Variants in TMEM178B observed in about 807,000 individuals in gnomAD.
TMEM178B encodes transmembrane protein 178B.
TMEM178B carries 5 observed loss-of-function variants against 31.0 expected under a neutral mutation model. That is an observed-to-expected ratio of 0.16 (90% confidence interval 0.08 to 0.34). The LOEUF (loss-of-function observed/expected upper bound fraction) is 0.34, where lower values mean the gene tolerates loss of function less well. Among genes scored for constraint, TMEM178B ranks in the 10% least tolerant of loss-of-function variants. The pLI, the probability that TMEM178B is intolerant of heterozygous loss-of-function variation, is 1.00. For synonymous variants in TMEM178B, 164 were observed against 164.0 expected (o/e 1.00, Z 0.00); for missense variants, 275 against 400.3 (o/e 0.69, Z 2.67).
intron 2 of TMEM178B, among the ~76,000 whole-genome samples, chr7:141,237,682 G>A (rs1003849436): frequency 6.6e-6 from 1 of 152,026 alleles, no homozygotes; most frequent in African/African-American, 2.4e-5. Flanking sequence ...ATTCATTGAA[G>A]TAAAATAATA....
At chr7:141,199,248 C>G (rs1259620977) in intron 1 of TMEM178B, among the ~76,000 whole-genome samples, 1 of 152,174 alleles carries the variant, frequency 6.6e-6, no homozygotes, top group Admixed American at 6.5e-5. Flanking sequence ...GTGGTAGCTC[C>G]CACTAAAGAT....
chr7:141,246,552 T>C (rs1797733192), intron 2 of TMEM178B, among the ~76,000 whole-genome samples: 1 of 152,184 alleles, frequency 6.6e-6, no homozygotes. Flanking sequence ...GAATTCAAAA[T>C]AAGTATTTTT....
chr7:141,486,528 G>T, the TMEM178B span, among the ~76,000 whole-genome samples: 1 of 151,726 alleles, frequency 6.6e-6, no homozygotes, highest in African/African-American at 2.4e-5. Flanking sequence ...ACAAGGGGTT[G>T]CCTAGGGTGG....
rs1457206491 is a variant in TMEM178B at position 141,473,560 on chromosome 7, C to G, written c.*2774C>G. 6.6e-6 allele frequency: 1 copy of G among 152,164 alleles called. No homozygotes were observed. The highest frequency in any genetic ancestry group is 1.5e-5 in the Non-Finnish European group (1 of 68,026). The allele number at this position is 152,164 out of a possible 1,614,324, so 9.4% of individuals were successfully genotyped here. ...ATTATCTGCTCTATCCAATTATTGT[C>G]TTTGTGACAGACATTTAGCAAAGCT... On this transcript the variant is annotated 3_prime_UTR_variant, in exon 4 of 4. Coordinates refer to ENST00000565468, the MANE Select transcript of TMEM178B (RefSeq NM_001195278.2).
intron 2 of TMEM178B, among the ~76,000 whole-genome samples, chr7:141,276,822 G>A (rs1324059622): frequency 1.3e-5 from 2 of 152,224 alleles, no homozygotes; most frequent in Non-Finnish European, 2.9e-5. Flanking sequence ...GCCTGTTGCT[G>A]CTAGGCTACA....
intron 1 of TMEM178B, among the ~76,000 whole-genome samples, chr7:141,200,556 G>C (rs1327417241): frequency 1.3e-5 from 2 of 152,204 alleles, no homozygotes; most frequent in African/African-American, 4.8e-5. Flanking sequence ...AGCCCAGTTA[G>C]AGGGAGCCCT....
At chr7:141,404,688 T>C (rs951050790) in intron 2 of TMEM178B, among the ~76,000 whole-genome samples, 15 of 152,208 alleles carry the variant, frequency 9.9e-5, no homozygotes, top group African/African-American at 3.4e-4. Context: ...AGACCCTAGT[T>C]CCAAATAAGG....
intron 1 of TMEM178B, among the ~76,000 whole-genome samples, chr7:141,167,664 C>G (rs898516067): frequency 6.6e-6 from 1 of 152,212 alleles, no homozygotes; most frequent in African/African-American, 2.4e-5. Context: ...GTCAAATGCT[C>G]AGGCCTGTGC....
At chr7:141,382,629 A>G (rs1056927520) in intron 2 of TMEM178B, among the ~76,000 whole-genome samples, 10 of 152,206 alleles carry the variant, frequency 6.6e-5, no homozygotes, top group Non-Finnish European at 1.3e-4. Flanking sequence ...CTTCTCATCT[A>G]TTACCAGCAT....
intron 2 of TMEM178B, among the ~76,000 whole-genome samples, chr7:141,213,714 A>G (rs993770533): frequency 6.6e-6 from 1 of 152,148 alleles, no homozygotes; most frequent in African/African-American, 2.4e-5. Flanking sequence ...GGTGTATTCT[A>G]CTTTTGGGAT....
Position 141,476,523 on chromosome 7 carries a change from G to A in TMEM178B, c.*5737G>A, listed in dbSNP as rs1020703651. 1.3e-5 allele frequency: 2 copies of A among 152,110 alleles called. No individual in the cohort carries two copies. Among genetic ancestry groups the A allele is most frequent in the Non-Finnish European group, 2.9e-5 (2 of 68,014 alleles). The allele number at this position is 152,110 out of a possible 1,614,324, so 9.4% of individuals were successfully genotyped here. A position where few individuals can be genotyped will look rare whatever the true frequency, so the allele number is the denominator to read the frequency against. ...GGTGGAAGCAAATCAGATTCTGAAA[G>A]GTTTCAATGATCTTTCAAGTTTAGG... On this transcript the variant is annotated 3_prime_UTR_variant, in exon 4 of 4. Coordinates refer to ENST00000565468, the MANE Select transcript of TMEM178B (RefSeq NM_001195278.2).
Position 141,074,411 on chromosome 7 carries a change from C to A in TMEM178B, c.101C>A (p.Thr34Lys). The A allele has an allele frequency of 6.5e-7, 1 of 1,536,148 alleles. No homozygotes were observed. The highest frequency in any genetic ancestry group is 8.7e-7 in the Non-Finnish European group (1 of 1,146,868). Residue 34 changes from threonine to lysine, a missense_variant, in exon 1 of 4, where the codon ACG becomes AAG. Physicochemically the swap from Thr to Lys is moderately conservative, Grantham distance 78 (BLOSUM62 -1). Coordinates refer to ENST00000565468, the MANE Select transcript of TMEM178B (RefSeq NM_001195278.2). The surrounding 1 kb of genome is among the most constrained non-coding windows in gnomAD (Gnocchi z 5.1). Reference protein sequence around the residue: ...VAICSDHWYETDARKHRDRCK... With the variant: ...VAICSDHWYEKDARKHRDRCK... ...ATCTGCTCGGACCACTGGTACGAGA[C>A]GGACGCCAGGAAGCACAGGGACAGG...
intron 1 of TMEM178B, among the ~76,000 whole-genome samples, chr7:141,091,085 A>G (rs1193016204): frequency 6.6e-6 from 1 of 152,214 alleles, no homozygotes; most frequent in Non-Finnish European, 1.5e-5. Context: ...AATATTTCCT[A>G]TGACCCCCAT....
chr7:141,263,628 G>A (rs1019835861), intron 2 of TMEM178B, among the ~76,000 whole-genome samples: 18 of 152,170 alleles, frequency 1.2e-4, no homozygotes, highest in Non-Finnish European at 4.4e-5. Flanking sequence ...ATGCTTTGAG[G>A]TTTGCCTTAT....
At chr7:141,341,100 C>T (rs568990858) in intron 2 of TMEM178B, among the ~76,000 whole-genome samples, 1 of 152,300 alleles carries the variant, frequency 6.6e-6, no homozygotes, top group African/African-American at 2.4e-5. Flanking sequence ...CATCTTCTAC[C>T]TTCTTCCTCA....
At chr7:141,315,549 T>G (rs1798987536) in intron 2 of TMEM178B, among the ~76,000 whole-genome samples, 1 of 152,208 alleles carries the variant, frequency 6.6e-6, no homozygotes, top group Non-Finnish European at 1.5e-5. Context: ...TCATGAAACT[T>G]TCTATAAATA....
In TMEM178B at chr7:141,335,534, G is replaced by A. The variant is rs541861946; in HGVS notation, c.497-102074G>A. 2.6e-5 allele frequency among the ~76,000 whole-genome samples: 4 copies of A among 152,290 alleles called. No individual in the cohort carries two copies. In the East Asian group the frequency reaches 7.7e-4, roughly 29 times the overall value. ...CCCTGTGCAGGAGCCCAAGGCAACA[G>A]CTGAGAGGACCACCCAAATTCCCCC... On this transcript the variant is annotated intron_variant, in intron 2 of 3. Coordinates refer to ENST00000565468, the MANE Select transcript of TMEM178B (RefSeq NM_001195278.2).
intron 1 of TMEM178B, 44 bp from the exon 2 acceptor site, chr7:141,212,547 G>A: frequency 1.3e-6 from 2 of 1,485,674 alleles, no homozygotes; most frequent in Non-Finnish European, 1.8e-6. Flanking sequence ...TCCAGATGTG[G>A]TTGCTGCTTC....
the TMEM178B span, among the ~76,000 whole-genome samples, chr7:141,496,656 C>A: frequency 9.2e-6 from 1 of 109,178 alleles, no homozygotes; most frequent in African/African-American, 4.5e-5. Context: ...GGCGACAGAG[C>A]GAGACTCCGT....
Sources: allele counts gnomAD v4.1 joint callset (sites outside exome capture counted in the v4.1 genomes callset), GRCh38; gene constraint gnomAD v4.1.1; non-coding constraint Gnocchi (gnomAD v3.1); transcripts MANE v1.5; gene names NCBI Gene and HGNC (gene_info 2026-07-23, HGNC 2026-07-21).